Variants in CAAP1 observed in about 807,000 individuals in gnomAD.
CAAP1 encodes caspase activity and apoptosis inhibitor 1, also known as conserved anti-apoptotic protein.
Under a neutral mutation model 34.0 loss-of-function variants are expected in CAAP1, and 20 were observed. The ratio of observed to expected loss-of-function variants is 0.59; its 90% confidence interval spans 0.41 to 0.86. The LOEUF is 0.86. Ranked by LOEUF, CAAP1 falls within the 40% of genes least tolerant of loss-of-function variation. The pLI, the probability that CAAP1 is intolerant of heterozygous loss-of-function variation, is 0.00. For synonymous variants in CAAP1, 213 were observed against 166.7 expected (o/e 1.28, Z -2.14); for missense variants, 538 against 450.5 (o/e 1.19, Z -1.76).
chr9:26,850,554 T>G (rs767696865), intron 5 of CAAP1, among the ~76,000 whole-genome samples: 1 of 152,194 alleles, frequency 6.6e-6, no homozygotes, highest in East Asian at 1.9e-4. Context: ...TAAAAATGAG[T>G]TACTGACTGA....
rs527584264 is a variant in CAAP1 at position 26,892,689 on chromosome 9, C to G, written c.27G>C (p.Glu9Asp). 1 of 1,602,366 alleles carries G rather than the reference C, an allele frequency of 6.2e-7. No individual in the cohort carries two copies. The highest frequency in any genetic ancestry group is 1.7e-4 in the Middle Eastern group (1 of 6,038). MTGKKSSR[E>D]KRRKRSSQEA... ...CCTGACTGCTACGTTTGCGCCGTTTCTCCCGGGAGGACTTTTTCCCCGTCA... is the reference window on the plus strand; with the variant it reads ...CCTGACTGCTACGTTTGCGCCGTTTGTCCCGGGAGGACTTTTTCCCCGTCA... Residue 9 changes from glutamate to aspartate, a missense_variant, in exon 1 of 6, where the codon GAG becomes GAC. By Grantham distance (45) the Glu-to-Asp change is conservative. Coordinates refer to ENST00000333916, the MANE Select transcript of CAAP1 (RefSeq NM_024828.4).
intron 4 of CAAP1, among the ~76,000 whole-genome samples, chr9:26,874,136 G>C (rs1587115864): frequency 6.7e-6 from 1 of 148,886 alleles, no homozygotes; most frequent in African/African-American, 2.5e-5. Flanking sequence ...GAACCCGGGA[G>C]GTGGAACTTG....
chr9:26,856,665 C>G (rs1190616088), intron 5 of CAAP1, among the ~76,000 whole-genome samples: 3 of 152,188 alleles, frequency 2.0e-5, no homozygotes, highest in Non-Finnish European at 4.4e-5. Context: ...AGAAGGCAGT[C>G]CACTGTGTTA....
intron 4 of CAAP1, among the ~76,000 whole-genome samples, chr9:26,877,489 A>G (rs970405031): frequency 3.3e-5 from 5 of 152,196 alleles, no homozygotes; most frequent in Non-Finnish European, 4.4e-5. Context: ...GTACATGCGT[A>G]TATCATCTCT....
intron 4 of CAAP1, among the ~76,000 whole-genome samples, chr9:26,883,648 A>G (rs542480282): frequency 2.0e-5 from 3 of 152,222 alleles, no homozygotes; most frequent in Admixed American, 2.0e-4. Flanking sequence ...ATAATCAAGC[A>G]AAAGCTCAAT....
rs369707844 is a variant in CAAP1 at position 26,845,840 on chromosome 9, T to G, written c.740-3193A>C. Reference sequence around the variant, plus strand: ...TATCTTCTGATCCCTGAATTTTATTTCTTCTTTTGTTTATCTTGGTCCTTC... The same window carrying G: ...TATCTTCTGATCCCTGAATTTTATTGCTTCTTTTGTTTATCTTGGTCCTTC... On this transcript the variant is annotated intron_variant, in intron 5 of 5. Transcript: ENST00000333916. 2.0e-4 allele frequency among the ~76,000 whole-genome samples: 31 copies of G among 152,338 alleles called. No homozygotes were observed. In the East Asian group the frequency reaches 3.5e-3, roughly 17 times the overall value.
chr9:26,884,825 G>C lies in CAAP1; in HGVS notation c.650C>G (p.Ser217Cys), dbSNP rs1823689295. 4 of 1,608,192 alleles carry C rather than the reference G, an allele frequency of 2.5e-6. No homozygotes were observed. In the South Asian group the frequency reaches 4.4e-5, roughly 18 times the overall value. ...EEADDGSKMG[S>C]DLVSQQDICI... ...TTAAACTTACTGACTGACTAAATCA[G>C]ATCCCATCTTAGAACCATCATCTGC... The change falls in exon 4 of 6, where the codon TCT becomes TGT. Residue 217 changes from serine (S) to cysteine (C), a missense_variant. Coordinates refer to ENST00000333916, the MANE Select transcript of CAAP1 (RefSeq NM_024828.4).
chr9:26,880,240 G>T, intron 4 of CAAP1: 1 of 414,668 alleles, frequency 2.4e-6, no homozygotes, highest in Admixed American at 2.8e-5. Context: ...TCTTCAAAAA[G>T]GACAACCAGA....
At chr9:26,872,391 T>A (rs1823299625) in intron 4 of CAAP1, among the ~76,000 whole-genome samples, 1 of 152,062 alleles carries the variant, frequency 6.6e-6, no homozygotes, top group Non-Finnish European at 1.5e-5. Flanking sequence ...CCAGTACACT[T>A]TCAGTAGTAA....
At chr9:26,858,215 C>A (rs1003003510) in intron 5 of CAAP1, among the ~76,000 whole-genome samples, 5 of 151,172 alleles carry the variant, frequency 3.3e-5, no homozygotes, top group African/African-American at 1.2e-4. Context: ...GCTAGTTATG[C>A]AAGAAAAGTT....
chr9:26,857,427 T>C (rs1822897038), intron 5 of CAAP1, among the ~76,000 whole-genome samples: 1 of 152,056 alleles, frequency 6.6e-6, no homozygotes, highest in Middle Eastern at 3.2e-3. Context: ...AGGTAGGGAG[T>C]TCGGGACTAG....
At position 26,886,118 on chromosome 9, in the gene CAAP1, A is replaced by C. The variant is rs1257883176; in HGVS notation, c.575T>G (p.Leu192Trp). ...QLELLSEKKI[L>W]KILEGDNGMD... ...TGTATTCTTACCCTCAAGAATCTTC[A>C]AAATTTTTTTTTCAGACAGGAGCTC... Residue 192 changes from leucine (L) to tryptophan (W), a missense_variant, in exon 3 of 6, where the codon TTG becomes TGG. Coordinates refer to ENST00000333916, the MANE Select transcript of CAAP1 (RefSeq NM_024828.4). 69 of 1,549,500 alleles carry C rather than the reference A, an allele frequency of 4.5e-5. 1 individual carries two copies. Among genetic ancestry groups the C allele is most frequent in the Non-Finnish European group, 5.6e-5 (64 of 1,151,244 alleles).
intron 4 of CAAP1, among the ~76,000 whole-genome samples, chr9:26,875,867 A>G (rs1823416301): frequency 6.6e-6 from 1 of 152,196 alleles, no homozygotes; most frequent in Non-Finnish European, 1.5e-5. Flanking sequence ...CAAAAATTTT[A>G]AAACATCGCT....
chr9:26,878,960 T>C (rs1750165705), intron 4 of CAAP1, among the ~76,000 whole-genome samples: 2 of 152,190 alleles, frequency 1.3e-5, no homozygotes, highest in African/African-American at 4.8e-5. Context: ...ACATCCATCT[T>C]ACTTTGGAGA....
chr9:26,873,092 A>G (rs977336962), intron 4 of CAAP1, among the ~76,000 whole-genome samples: 4 of 152,140 alleles, frequency 2.6e-5, no homozygotes, highest in Non-Finnish European at 4.4e-5. Flanking sequence ...GTCTCTACAA[A>G]AAATTTAAAA....
chr9:26,851,093 G>C (rs1001441339), intron 5 of CAAP1, among the ~76,000 whole-genome samples: 1 of 152,186 alleles, frequency 6.6e-6, no homozygotes. Flanking sequence ...GTGCTGCAAA[G>C]GCCTTAGAAG....
intron 4 of CAAP1, among the ~76,000 whole-genome samples, chr9:26,884,159 G>A (rs1823667486): frequency 6.6e-6 from 1 of 152,000 alleles, no homozygotes; most frequent in Non-Finnish European, 1.5e-5. Context: ...GTCATTATTT[G>A]GAAACTACCA....
intron 4 of CAAP1, among the ~76,000 whole-genome samples, chr9:26,869,025 T>G (rs1823208691): frequency 6.6e-6 from 1 of 152,070 alleles, no homozygotes; most frequent in South Asian, 2.1e-4. Context: ...ATATTAAAAT[T>G]AAAAAATTAG....
At chr9:26,854,053 A>G (rs1822813549) in intron 5 of CAAP1, among the ~76,000 whole-genome samples, 1 of 152,198 alleles carries the variant, frequency 6.6e-6, no homozygotes, top group Non-Finnish European at 1.5e-5. Context: ...CAAGTTACGT[A>G]AAGGCATATT....
Sources: allele counts gnomAD v4.1 joint callset (sites outside exome capture counted in the v4.1 genomes callset), GRCh38; gene constraint gnomAD v4.1.1; transcripts MANE v1.5; gene names NCBI Gene and HGNC (gene_info 2026-07-23, HGNC 2026-07-21).